Variants in HLCS observed in about 807,000 individuals in gnomAD.
The protein encoded by HLCS is biotin--protein ligase.
A neutral mutation model predicts 75.0 loss-of-function variants in HLCS; 53 were observed. The ratio of observed to expected loss-of-function variants is 0.71; its 90% CI spans 0.57 to 0.89. HLCS has a LOEUF of 0.89. Among genes scored for constraint, HLCS ranks in the 40% least tolerant of loss-of-function variants. The probability of loss-of-function intolerance (pLI) is 0.00; values close to 1 mark genes in which losing one functional copy is unlikely to be tolerated. For missense variants in HLCS, 966 were observed against 1,074.0 expected (o/e 0.90, Z 1.41); for synonymous variants, 431 against 428.6 (o/e 1.01, Z -0.07).
chr21:36,875,057 C>G (rs777002115), intron 6 of HLCS, among the ~76,000 whole-genome samples: 1 of 152,220 alleles, frequency 6.6e-6, no homozygotes, highest in African/African-American at 2.4e-5. Flanking sequence ...CTTCAGCCCC[C>G]TCTAGACTTT....
At chr21:36,863,954 A>G in intron 6 of HLCS, among the ~76,000 whole-genome samples, 1 of 152,228 alleles carries the variant, frequency 6.6e-6, no homozygotes, top group South Asian at 2.1e-4. Context: ...AGTTCACATA[A>G]AAGTTTTCCG....
In HLCS at chr21:36,936,854, G is replaced by A. The variant is rs2066910824; in HGVS notation, c.1032C>T (p.Leu344=). The change falls in exon 4 of 11, where the codon CTC becomes CTT. Residue 344 remains leucine, a synonymous_variant. Coordinates refer to ENST00000674895, the MANE Select transcript of HLCS (RefSeq NM_001352514.2). ...GAGCACTGTCCTCCAGCAGGTGGTAGAGAATATAACTGTCAATGTCCACAC... is the reference window on the plus strand; with the variant it reads ...GAGCACTGTCCTCCAGCAGGTGGTAAAGAATATAACTGTCAATGTCCACAC... The part of the protein sequence containing the change: ...ADCVDIDSYI[L]YHLLEDSALR... 6.2e-7 allele frequency: 1 copy of A among 1,614,190 alleles called. No individual in the cohort carries two copies. Among genetic ancestry groups the A allele is most frequent in the Non-Finnish European group, 8.5e-7 (1 of 1,180,052 alleles).
chr21:36,936,033 G>A (rs1284447202), intron 4 of HLCS, among the ~76,000 whole-genome samples: 1 of 152,158 alleles, frequency 6.6e-6, no homozygotes, highest in East Asian at 1.9e-4. Flanking sequence ...CTGACGTCTA[G>A]AATCACTACC....
intron 4 of HLCS, among the ~76,000 whole-genome samples, chr21:36,932,171 T>C (rs2066677412): frequency 6.6e-6 from 1 of 152,250 alleles, no homozygotes. Flanking sequence ...TTGTTTTTAT[T>C]AATCTTTCTT....
Position 36,765,233 on chromosome 21 carries a change from C to T in HLCS, c.1961-61G>A, listed in dbSNP as rs1026543888. The T allele has an allele frequency of 8.6e-6, 13 of 1,510,316 alleles. No homozygotes were observed. In the African/African-American group the frequency reaches 1.2e-4, roughly 14 times the overall value. The allele number at this position is 1,510,316 out of a possible 1,614,324, so 93.6% of individuals were successfully genotyped here. ...TGCCACGTGGACAGACGCAGACACA[C>T]GTCATGCCAGGGCCACACACTCAAA... On this transcript the variant is annotated intron_variant, in intron 7 of 10. Transcript: ENST00000674895.
intron 9 of HLCS, among the ~76,000 whole-genome samples, chr21:36,758,091 CTTTATTT>C (rs1279245925): frequency 2.0e-5 from 3 of 152,194 alleles, no homozygotes; most frequent in East Asian, 1.9e-4. Context: ...CATTCCCCTA[CTTTATTT>C]TTTATTTTTA....
intron 6 of HLCS, among the ~76,000 whole-genome samples, chr21:36,868,351 G>A (rs1168539720): frequency 6.6e-6 from 1 of 151,076 alleles, no homozygotes; most frequent in African/African-American, 2.5e-5. Context: ...ACTTGAAAAA[G>A]CAGATCAATC....
chr21:36,854,021 T>C (rs939112445), intron 6 of HLCS, among the ~76,000 whole-genome samples: 1 of 152,202 alleles, frequency 6.6e-6, no homozygotes, highest in African/African-American at 2.4e-5. Context: ...TTCAAAAATA[T>C]AAAATAACGA....
chr21:36,861,085 G>T lies in HLCS; in HGVS notation c.1892+35775C>A, dbSNP rs575913713. On this transcript the variant is annotated intron_variant, in intron 6 of 10. Transcript: ENST00000674895. ...ATTTATGGAATGCTGACCAGGTTCT[G>T]TGCTAAGGGCTGGGAGACAGGATAT... Among the ~76,000 whole-genome samples the T allele has an allele frequency of 2.0e-5, 3 of 152,280 alleles. No individual in the cohort carries two copies. In the South Asian group the frequency reaches 6.2e-4, roughly 32 times the overall value.
chr21:36,754,529 G>A lies in HLCS; in HGVS notation c.2451-112C>T, dbSNP rs1029184693. 11 of 1,152,956 alleles carry A rather than the reference G, an allele frequency of 9.5e-6. No individual in the cohort carries two copies. In the African/African-American group the frequency reaches 1.7e-4, roughly 18 times the overall value. 71.4% of individuals were successfully genotyped at this position (1,152,956 alleles called of 1,614,324 possible). ...AGCTGGGCGTGCTGGGGAGAGGGCT[G>A]AGGCTCGCTGCAGGGAAAAGGCAGC... On this transcript the variant is annotated intron_variant, in intron 10 of 10. Coordinates refer to ENST00000674895, the MANE Select transcript of HLCS (RefSeq NM_001352514.2).
intron 5 of HLCS, among the ~76,000 whole-genome samples, chr21:36,902,286 G>C (rs969275647): frequency 7.2e-5 from 11 of 152,246 alleles, no homozygotes; most frequent in Admixed American, 2.0e-4. Flanking sequence ...GGGAGAAACA[G>C]CAGCATTTTC....
intron 6 of HLCS, among the ~76,000 whole-genome samples, chr21:36,801,062 GGATGCCTGAGGCT>G (rs1255102634): frequency 6.6e-6 from 1 of 152,102 alleles, no homozygotes; most frequent in Non-Finnish European, 1.5e-5. Context: ...CATTGTTCTG[GGATGCCTGAGGCT>G]GATGACATGG....
At chr21:36,823,021 A>C (rs1409116563) in intron 6 of HLCS, among the ~76,000 whole-genome samples, 1 of 152,200 alleles carries the variant, frequency 6.6e-6, no homozygotes, top group East Asian at 1.9e-4. Context: ...GTGAGCCTGG[A>C]CTTCTCGTGT....
At chr21:36,896,070 T>C (rs1176290639) in intron 6 of HLCS, among the ~76,000 whole-genome samples, 1 of 152,140 alleles carries the variant, frequency 6.6e-6, no homozygotes, top group Admixed American at 6.5e-5. Flanking sequence ...GTATGGGGGT[T>C]GGGAATGGGT....
intron 2 of HLCS, among the ~76,000 whole-genome samples, chr21:36,939,946 G>A (rs1170016989): frequency 6.6e-6 from 1 of 152,164 alleles, no homozygotes; most frequent in Non-Finnish European, 1.5e-5. Context: ...CTACTCGGGG[G>A]GCTGAGGCAG....
At chr21:36,956,511 A>G (rs1431733804) in intron 2 of HLCS, among the ~76,000 whole-genome samples, 2 of 151,928 alleles carry the variant, frequency 1.3e-5, no homozygotes, top group East Asian at 1.9e-4. Flanking sequence ...GGCAAATCAC[A>G]AGGTCAGGAG....
intron 2 of HLCS, among the ~76,000 whole-genome samples, chr21:36,956,122 T>C (rs1466903536): frequency 1.3e-5 from 2 of 152,156 alleles, no homozygotes; most frequent in Non-Finnish European, 2.9e-5. Context: ...AACTATAATG[T>C]ATACGAATTA....
chr21:36,751,812 C>A lies in HLCS; in HGVS notation c.*2434G>T, dbSNP rs886057062. 2 of 152,218 alleles carry A rather than the reference C, an allele frequency of 1.3e-5. No homozygotes were observed. Among genetic ancestry groups the A allele is most frequent in the Non-Finnish European group, 2.9e-5 (2 of 68,052 alleles). The allele number at this position is 152,218 out of a possible 1,614,324, so 9.4% of individuals were successfully genotyped here. A position where few individuals can be genotyped will look rare whatever the true frequency, so the allele number is the denominator to read the frequency against. ...CAGCCTGGAAGGGAGGATATCTTGC[C>A]TTTTACAAAATACGGTCGATACTCA... On this transcript the variant is annotated 3_prime_UTR_variant, in exon 11 of 11. Coordinates refer to ENST00000674895, the MANE Select transcript of HLCS (RefSeq NM_001352514.2).
intron 6 of HLCS, among the ~76,000 whole-genome samples, chr21:36,847,472 T>C (rs1396219999): frequency 6.6e-6 from 1 of 152,192 alleles, no homozygotes; most frequent in Non-Finnish European, 1.5e-5. Flanking sequence ...CAGCAACTTA[T>C]TTACTATCCT....
Sources: gnomAD v4.1 joint callset for allele counts (sites outside exome capture counted in the v4.1 genomes callset) on GRCh38, gnomAD v4.1.1 for gene constraint, MANE v1.5 for transcripts, NCBI Gene and HGNC (gene_info 2026-07-23, HGNC 2026-07-21) for gene names.